Variants in PDE3A observed in about 807,000 individuals in gnomAD.
PDE3A encodes cGMP-inhibited 3',5'-cyclic phosphodiesterase 3A.
PDE3A carries 43 observed loss-of-function variants against 98.3 expected under a neutral mutation model. The observed-to-expected ratio is 0.44, with a 90% CI of 0.34 to 0.56. The LOEUF (loss-of-function observed/expected upper bound fraction) is 0.56. Among genes scored for constraint, PDE3A ranks in the 20% least tolerant of loss-of-function variants. The probability of loss-of-function intolerance (pLI) is 0.01; values close to 1 mark genes in which losing one functional copy is unlikely to be tolerated. For synonymous variants in PDE3A, 663 were observed against 567.9 expected, an observed-to-expected ratio of 1.17 and a Z score of -2.38; for missense variants, 1,427 against 1,440.7, an observed-to-expected ratio of 0.99 and a Z score of 0.15.
intron 1 of PDE3A, among the ~76,000 whole-genome samples, chr12:20,377,094 T>C (rs1245916794): frequency 6.6e-6 from 1 of 151,832 alleles, no homozygotes; most frequent in Non-Finnish European, 1.5e-5. Flanking sequence ...TGTGTGTACC[T>C]GTATGTGCAT....
At chr12:20,643,299 G>A (rs1178621052) in intron 10 of PDE3A, among the ~76,000 whole-genome samples, 1 of 152,124 alleles carries the variant, frequency 6.6e-6, no homozygotes, top group African/African-American at 2.4e-5. Flanking sequence ...AGAAGAAGAA[G>A]AGGAATCTTT....
intron 1 of PDE3A, among the ~76,000 whole-genome samples, chr12:20,407,810 A>T (rs934493313): frequency 3.9e-5 from 6 of 152,160 alleles, no homozygotes; most frequent in Non-Finnish European, 8.8e-5. Flanking sequence ...TATATTGACT[A>T]CATGAAGAAA....
At position 20,630,028 on chromosome 12, in the gene PDE3A, C is replaced by A. The variant is rs1281307178; in HGVS notation, c.1661C>A (p.Thr554Asn). ...CAGTTTCCAGAATCTGCTGACACAA[C>A]TGCCAAACAAAGCCTAGGTTCTCAC... is the stretch of plus-strand genomic sequence containing the variant. Reference protein sequence around the residue: ...AVQFPESADTTAKQSLGSHRA... With the variant: ...AVQFPESADTNAKQSLGSHRA... Residue 554 changes from threonine (T) to asparagine (N), a missense_variant, in exon 6 of 16, where the codon ACT (threonine) becomes AAT (asparagine). Thr to Asn is a moderately conservative substitution (Grantham distance 65). Around this residue, in one of 3 missense-constraint regions of PDE3A, gnomAD observed 1,012 missense variants for 886.5 expected, o/e 1.14. Coordinates refer to ENST00000359062, the MANE Select transcript of PDE3A (RefSeq NM_000921.5). 1 of 1,614,034 alleles carries A rather than the reference C, an allele frequency of 6.2e-7. No homozygotes were observed. The highest frequency in any genetic ancestry group is 1.1e-5 in the South Asian group (1 of 91,080).
chr12:20,609,596 G>A (rs1452893445), intron 2 of PDE3A, among the ~76,000 whole-genome samples: 1 of 151,968 alleles, frequency 6.6e-6, no homozygotes, highest in Non-Finnish European at 1.5e-5. Flanking sequence ...AATAGCCAAA[G>A]CAGTACTGAG....
chr12:20,655,572 T>C (rs1945023763), intron 15 of PDE3A, among the ~76,000 whole-genome samples: 1 of 152,208 alleles, frequency 6.6e-6, no homozygotes, highest in Admixed American at 6.5e-5. Context: ...CTAAAAACCA[T>C]GGTTTCAGGT....
intron 4 of PDE3A, among the ~76,000 whole-genome samples, chr12:20,616,746 T>A (rs1944017393): frequency 6.6e-6 from 1 of 152,136 alleles, no homozygotes; most frequent in Non-Finnish European, 1.5e-5. Context: ...GCATTTGATA[T>A]GAGATCCCCC....
intron 1 of PDE3A, among the ~76,000 whole-genome samples, chr12:20,446,756 C>T (rs888030119): frequency 9.2e-5 from 14 of 151,978 alleles, no homozygotes; most frequent in Admixed American, 6.6e-5. Context: ...AAAAGCAGAC[C>T]GAGTGTTATC....
chr12:20,504,898 T>C (rs1225821865), intron 1 of PDE3A, among the ~76,000 whole-genome samples: 1 of 152,066 alleles, frequency 6.6e-6, no homozygotes, highest in Non-Finnish European at 1.5e-5. Flanking sequence ...TTTTGCCATG[T>C]ACGATAACTT....
chr12:20,436,310 G>T (rs1358805073), intron 1 of PDE3A, among the ~76,000 whole-genome samples: 1 of 152,076 alleles, frequency 6.6e-6, no homozygotes, highest in Non-Finnish European at 1.5e-5. Context: ...GGGATTGGGT[G>T]GGGGAGAGGG....
intron 1 of PDE3A, among the ~76,000 whole-genome samples, chr12:20,457,700 A>G (rs932761621): frequency 1.3e-5 from 2 of 151,928 alleles, no homozygotes; most frequent in African/African-American, 4.8e-5. Context: ...GGTTAAAAGT[A>G]GAACATTTTC....
At chr12:20,658,832 T>A (rs1395832527) in intron 15 of PDE3A, among the ~76,000 whole-genome samples, 1 of 152,160 alleles carries the variant, frequency 6.6e-6, no homozygotes, top group Non-Finnish European at 1.5e-5. Flanking sequence ...TTATCTATAT[T>A]CCAGAGGGGC....
chr12:20,572,155 G>A (rs2121313888), intron 2 of PDE3A: 14 of 1,271,744 alleles, frequency 1.1e-5, no homozygotes, highest in Non-Finnish European at 1.3e-5. Flanking sequence ...AAATCGTGGA[G>A]CTTCTACTGG....
chr12:20,425,590 T>A (rs932283311), intron 1 of PDE3A, among the ~76,000 whole-genome samples: 1 of 152,316 alleles, frequency 6.6e-6, no homozygotes, highest in Admixed American at 6.5e-5. Context: ...TTTCTAATCC[T>A]TTCAACAGCC....
At chr12:20,577,601 A>T (rs532434992) in intron 2 of PDE3A, among the ~76,000 whole-genome samples, 1 of 152,312 alleles carries the variant, frequency 6.6e-6, no homozygotes, top group Admixed American at 6.5e-5. Flanking sequence ...TGAGCTGGGT[A>T]ATCTTGGACC....
At chr12:20,597,680 C>A (rs1943498786) in intron 2 of PDE3A, among the ~76,000 whole-genome samples, 1 of 152,100 alleles carries the variant, frequency 6.6e-6, no homozygotes, top group African/African-American at 2.4e-5. Flanking sequence ...TTCTTATAAC[C>A]AGGGGTACTG....
chr12:20,572,135 G>A (rs1481948991), intron 2 of PDE3A: 8 of 1,279,208 alleles, frequency 6.3e-6, no homozygotes, highest in Middle Eastern at 2.3e-4. Flanking sequence ...ACATGGTGAC[G>A]ATATTTTCCA....
chr12:20,614,159 A>ACAAT (rs5796874), intron 3 of PDE3A, among the ~76,000 whole-genome samples: 149,318 of 152,146 alleles, frequency 0.98, 73,325 homozygotes, highest in South Asian at 1. Flanking sequence ...TTTCCAATAC[A>ACAAT]CAGTTTTGAA....
chr12:20,582,285 C>T (rs941356250), intron 2 of PDE3A, among the ~76,000 whole-genome samples: 4 of 152,064 alleles, frequency 2.6e-5, no homozygotes, highest in Admixed American at 2.6e-4. Context: ...CCTCTGCCTC[C>T]AGGGTTCAAG....
At chr12:20,531,584 C>G (rs765495650) in intron 1 of PDE3A, among the ~76,000 whole-genome samples, 3 of 151,864 alleles carry the variant, frequency 2.0e-5, no homozygotes, top group African/African-American at 7.3e-5. Flanking sequence ...CTGTCTTATA[C>G]GTTTCTGTGA....
Sources: gnomAD v4.1 joint callset for allele counts (sites outside exome capture counted in the v4.1 genomes callset) on GRCh38, gnomAD v4.1.1 for gene constraint, gnomAD v4.1.1 regional missense constraint, MANE v1.5 for transcripts, NCBI Gene and HGNC (gene_info 2026-07-23, HGNC 2026-07-21) for gene names.